Variants in DCHS2 observed in about 807,000 individuals in gnomAD.
DCHS2 encodes protocadherin-23.
In DCHS2, 142 loss-of-function variants were observed where a neutral mutation model predicts 182.4. That is an observed-to-expected ratio of 0.78 (90% CI 0.68 to 0.89). The LOEUF (loss-of-function observed/expected upper bound fraction) is 0.89, where lower values mean the gene tolerates loss of function less well. DCHS2 is among the 40% of genes least tolerant of loss of function. The probability of loss-of-function intolerance (pLI) is 0.00; values close to 1 mark genes in which losing one functional copy is unlikely to be tolerated. For synonymous variants in DCHS2, 1,740 were observed against 1,663.3 expected, an observed-to-expected ratio of 1.05 and a Z score of -1.12; for missense variants, 4,319 against 4,198.6, an observed-to-expected ratio of 1.03 and a Z score of -0.79.
At chr4:154,456,191 G>C (rs1425396488) in intron 1 of DCHS2, among the ~76,000 whole-genome samples, 1 of 152,070 alleles carries the variant, frequency 6.6e-6, no homozygotes, top group Non-Finnish European at 1.5e-5. Flanking sequence ...TTGTAAAGTT[G>C]TCAGGAGTCT....
In DCHS2 at chr4:154,323,190, C is replaced by T. The variant is rs769327164; in HGVS notation, c.4019-702G>A. On this transcript the variant is annotated intron_variant, in intron 7 of 19. Coordinates refer to ENST00000357232, the MANE Select transcript of DCHS2 (RefSeq NM_001358235.2). ...GTGTAGCATAATATGTTCCTCTATT[C>T]TTATGTTTTCCTTAAATTGGGAGGC... The T allele has an allele frequency of 9.0e-6, 14 of 1,549,806 alleles. No homozygotes were observed. In the South Asian group the frequency reaches 1.5e-4, roughly 17 times the overall value.
intron 1 of DCHS2, among the ~76,000 whole-genome samples, chr4:154,420,570 T>C (rs1733071217): frequency 6.6e-6 from 1 of 151,946 alleles, no homozygotes; most frequent in Non-Finnish European, 1.5e-5. Flanking sequence ...AAACCTGGAG[T>C]TCTGATGTCT....
At chr4:154,246,501 T>G (rs1732075508) in intron 16 of DCHS2, among the ~76,000 whole-genome samples, 1 of 152,116 alleles carries the variant, frequency 6.6e-6, no homozygotes, top group African/African-American at 2.4e-5. Context: ...ATTGCCTCAC[T>G]TATATCTAAG....
At chr4:154,413,051 G>A (rs1194398674) in intron 1 of DCHS2, among the ~76,000 whole-genome samples, 1 of 152,182 alleles carries the variant, frequency 6.6e-6, no homozygotes, top group Non-Finnish European at 1.5e-5. Flanking sequence ...CACTGGTAGG[G>A]AGGTTAGAAG....
At chr4:154,427,347 G>A (rs1733373588) in intron 1 of DCHS2, among the ~76,000 whole-genome samples, 1 of 152,176 alleles carries the variant, frequency 6.6e-6, no homozygotes, top group South Asian at 2.1e-4. Context: ...CAGGTGAAAT[G>A]TTCAAACTGT....
chr4:154,426,963 A>G (rs1450777040), intron 1 of DCHS2, among the ~76,000 whole-genome samples: 1 of 152,050 alleles, frequency 6.6e-6, no homozygotes, highest in Non-Finnish European at 1.5e-5. Flanking sequence ...AAATTTTTAC[A>G]TTTAAATTTT....
intron 14 of DCHS2, among the ~76,000 whole-genome samples, chr4:154,268,259 A>G (rs1419845363): frequency 1.4e-5 from 2 of 146,382 alleles, no homozygotes; most frequent in African/African-American, 5.1e-5. Flanking sequence ...ACGCTTTACC[A>G]CTTCTCTTTG....
At chr4:154,356,184 G>T (rs1020251280) in intron 3 of DCHS2, among the ~76,000 whole-genome samples, 1 of 151,828 alleles carries the variant, frequency 6.6e-6, no homozygotes, top group African/African-American at 2.4e-5. Context: ...AGGCTAATGT[G>T]TGCGTTTGTG....
At chr4:154,440,377 T>C (rs1280452806) in intron 1 of DCHS2, among the ~76,000 whole-genome samples, 1 of 152,246 alleles carries the variant, frequency 6.6e-6, no homozygotes, top group Non-Finnish European at 1.5e-5. Context: ...ACTGTGCTGG[T>C]GGCTCACATT....
rs140451945 is a variant in DCHS2 at position 154,483,636 on chromosome 4, C to T, written c.2052+5668G>A. On this transcript the variant is annotated intron_variant, in intron 1 of 19. Coordinates refer to ENST00000357232, the MANE Select transcript of DCHS2 (RefSeq NM_001358235.2). ...GAGAGAAACAGGCAGATTCAAATAA[C>T]GAGTGCCTTAATGCCTGGGACTGTG... 2.3e-3 allele frequency among the ~76,000 whole-genome samples: 352 copies of T among 152,274 alleles called. 1 individual carries two copies. Among genetic ancestry groups the T allele is most frequent in the African/African-American group, 7.6e-3 (314 of 41,538 alleles).
At chr4:154,448,043 TAAA>T (rs1311188063) in intron 1 of DCHS2, among the ~76,000 whole-genome samples, 2 of 152,146 alleles carry the variant, frequency 1.3e-5, no homozygotes, top group Non-Finnish European at 2.9e-5. Context: ...CTCATCCCAT[TAAA>T]TTCAACTGAA....
In DCHS2 at chr4:154,391,278, G is replaced by C. The variant is rs560796306; in HGVS notation, c.2053-13834C>G. 5.0e-6 allele frequency: 8 copies of C among 1,601,578 alleles called. No individual in the cohort carries two copies. Among genetic ancestry groups the C allele is most frequent in the East Asian group, 4.5e-5 (2 of 44,760 alleles). ...TTCTCCGTCTTCATTCTCTGATTTC[G>C]TTATCTCATCCAGTCTCATGATTTT... On this transcript the variant is annotated intron_variant, in intron 1 of 19. Coordinates refer to ENST00000357232, the MANE Select transcript of DCHS2 (RefSeq NM_001358235.2).
At chr4:154,342,405 A>T (rs1729151529) in intron 3 of DCHS2, among the ~76,000 whole-genome samples, 1 of 152,182 alleles carries the variant, frequency 6.6e-6, no homozygotes, top group African/African-American at 2.4e-5. Context: ...TCTTCCTTCC[A>T]CAAAATATTT....
At chr4:154,343,777 ATTTT>A (rs974017909) in intron 3 of DCHS2, 2 of 959,810 alleles carry the variant, frequency 2.1e-6, no homozygotes, top group African/African-American at 3.4e-5. Flanking sequence ...CTTTCTTATC[ATTTT>A]TCTGTTCACT....
intron 1 of DCHS2, among the ~76,000 whole-genome samples, chr4:154,484,467 G>C (rs191736892): frequency 0.019 from 2,850 of 152,034 alleles, 80 homozygotes; most frequent in African/African-American, 0.064. Context: ...CTCCAAAACA[G>C]CCTCCCATTA....
intron 3 of DCHS2, among the ~76,000 whole-genome samples, chr4:154,344,976 G>A (rs928588226): frequency 1.3e-5 from 2 of 152,166 alleles, no homozygotes; most frequent in Admixed American, 6.5e-5. Flanking sequence ...TGGTGCAGTT[G>A]GTGCCAAAGG....
chr4:154,375,881 C>G (rs1314883810), intron 2 of DCHS2, among the ~76,000 whole-genome samples: 2 of 152,126 alleles, frequency 1.3e-5, no homozygotes, highest in Admixed American at 6.6e-5. Context: ...CACATAAAGG[C>G]ATACTATAAG....
At chr4:154,316,208 AAAC>A (rs1035827955) in intron 9 of DCHS2, among the ~76,000 whole-genome samples, 68 of 152,340 alleles carry the variant, frequency 4.5e-4, no homozygotes, top group African/African-American at 1.4e-3. Flanking sequence ...ATATCAAACA[AAAC>A]AATTCAAGAA....
chr4:154,409,918 C>A (rs1732552128), intron 1 of DCHS2, among the ~76,000 whole-genome samples: 1 of 152,230 alleles, frequency 6.6e-6, no homozygotes, highest in Admixed American at 6.5e-5. Flanking sequence ...ACATTGATTG[C>A]AGCTGAAGAA....
Sources: allele counts gnomAD v4.1 joint callset (sites outside exome capture counted in the v4.1 genomes callset), GRCh38; gene constraint gnomAD v4.1.1; transcripts MANE v1.5; gene names NCBI Gene and HGNC (gene_info 2026-07-23, HGNC 2026-07-21).